LETM1: variants seen among roughly 807,000 people sequenced by gnomAD.
LETM1 encodes leucine zipper and EF-hand containing transmembrane protein 1.
LETM1 carries 50 observed loss-of-function variants against 74.5 expected under a neutral mutation model. That is an observed-to-expected ratio of 0.67 (90% CI 0.53 to 0.85). The LOEUF (loss-of-function observed/expected upper bound fraction) is 0.85, where lower values mean the gene tolerates loss of function less well. Ranked by LOEUF, LETM1 falls within the 40% of genes least tolerant of loss-of-function variation. LETM1 has a pLI of 0.00. For synonymous variants in LETM1, 446 were observed against 407.1 expected, an observed-to-expected ratio of 1.10 and a Z score of -1.15; for missense variants, 824 against 967.8, an observed-to-expected ratio of 0.85 and a Z score of 1.97.
At chr4:1,850,568 G>A (rs989371135) in intron 1 of LETM1, among the ~76,000 whole-genome samples, 20 of 150,868 alleles carry the variant, frequency 1.3e-4, no homozygotes, top group East Asian at 3.9e-4. Context: ...ACGTGAACCC[G>A]GGAGGCGGAG....
rs1712703577 is a variant in LETM1, at chr4:1,841,702, A to G, written c.239T>C (p.Leu80Pro). ...LGCWALRPECLRIVSRAPWTS... is the reference protein window; with the variant it reads ...LGCWALRPECPRIVSRAPWTS... ...CCATGGCGCTCTCGACACTATGCGA[A>G]GGCACTCGGGCCTCAGAGCCCAACA... is the stretch of plus-strand genomic sequence containing the variant. Residue 80 changes from leucine (L) to proline (P), a missense_variant, in exon 3 of 14, where the codon CTT (leucine) becomes CCT (proline). Leu to Pro is a moderately conservative substitution (Grantham distance 98). Around this residue, in one of 4 missense-constraint regions of LETM1, gnomAD observed 222 missense variants for 195.6 expected, o/e 1.14. Coordinates refer to ENST00000302787, the MANE Select transcript of LETM1 (RefSeq NM_012318.3). 1 of 1,614,070 alleles carries G rather than the reference A, an allele frequency of 6.2e-7. No homozygotes were observed. Among genetic ancestry groups the G allele is most frequent in the African/African-American group, 1.3e-5 (1 of 74,942 alleles).
Position 1,855,920 on chromosome 4 carries a change from C to A in LETM1, c.31G>T (p.Gly11Cys). MASILLRSCR[G>C]RAPARLPPPP... ...GGCGGGAGGCGGGCGGGCGCCCGGCCGCGGCAGCTCCTCAGTAAGATGGAC... is the reference window on the plus strand; with the variant it reads ...GGCGGGAGGCGGGCGGGCGCCCGGCAGCGGCAGCTCCTCAGTAAGATGGAC... Residue 11 changes from glycine to cysteine, a missense_variant, in exon 1 of 14, where the codon GGC (glycine) becomes TGC (cysteine). Gly to Cys is a radical substitution (Grantham distance 159, BLOSUM62 -3). Coordinates refer to ENST00000302787, the MANE Select transcript of LETM1 (RefSeq NM_012318.3). 1 of 1,237,166 alleles carries A rather than the reference C, an allele frequency of 8.1e-7. No individual in the cohort carries two copies. Among genetic ancestry groups the A allele is most frequent in the South Asian group, 3.4e-5 (1 of 29,148 alleles). 76.6% of individuals were successfully genotyped at this position (1,237,166 alleles called of 1,614,324 possible).
intron 1 of LETM1, among the ~76,000 whole-genome samples, chr4:1,853,161 T>G (rs1403521808): frequency 6.6e-6 from 1 of 151,938 alleles, no homozygotes; most frequent in Non-Finnish European, 1.5e-5. Context: ...CAAATGGCAC[T>G]GTTGTCCCCA....
Position 1,816,744 on chromosome 4 carries a change from G to C in LETM1, c.1914C>G (p.Ala638=). ...MDQQAGKLAP[A]NGMPTGENVI... is the part of the protein sequence containing the mutation. ...CCACTCACCCCGTGGGCATGCCGTT[G>C]GCCGGGGCCAGCTTGCCAGCCTGCT... Residue 638 remains alanine (A), a synonymous_variant, in exon 12 of 14, where the codon GCC becomes GCG. Coordinates refer to ENST00000302787, the MANE Select transcript of LETM1 (RefSeq NM_012318.3). 1 of 1,614,108 alleles carries C rather than the reference G, an allele frequency of 6.2e-7. No individual in the cohort carries two copies. Among genetic ancestry groups the C allele is most frequent in the Non-Finnish European group, 8.5e-7 (1 of 1,179,956 alleles).
intron 10 of LETM1, among the ~76,000 whole-genome samples, chr4:1,821,255 G>A (rs1431365406): frequency 2.0e-5 from 3 of 151,854 alleles, no homozygotes; most frequent in African/African-American, 7.2e-5. Flanking sequence ...ACCATGTCTG[G>A]CTAATTTTTT....
chr4:1,822,592 G>A (rs1711821011), intron 9 of LETM1: 1 of 351,604 alleles, frequency 2.8e-6, no homozygotes, highest in Non-Finnish European at 5.1e-6. Flanking sequence ...GGCTGAGCCT[G>A]TGGGTGGGCA....
intron 7 of LETM1, among the ~76,000 whole-genome samples, chr4:1,824,140 T>A (rs1007118953): frequency 6.6e-6 from 1 of 152,164 alleles, no homozygotes; most frequent in Non-Finnish European, 1.5e-5. Context: ...CTGGCCAACA[T>A]GGCGATCCCA....
Position 1,855,160 on chromosome 4 carries a change from T to C in LETM1, c.82+709A>G, listed in dbSNP as rs556352276. ...TGATCGCACCACTGCACTAATTATT[T>C]TACTTGAGTCCCTCTTAGCAAGTTT... On this transcript the variant is annotated intron_variant, in intron 1 of 13. Transcript: ENST00000302787. Among the ~76,000 whole-genome samples, 116 of 152,328 alleles carry C rather than the reference T, an allele frequency of 7.6e-4. 2 individuals are homozygous for C. Among genetic ancestry groups the C allele is most frequent in the Admixed American group, 1.8e-3 (27 of 15,306 alleles).
intron 8 of LETM1, 30 bp downstream of exon 8, chr4:1,823,614 G>A (rs1711874550): frequency 6.2e-7 from 1 of 1,611,496 alleles, no homozygotes; most frequent in Admixed American, 1.7e-5. Flanking sequence ...ATGAAGAGAT[G>A]AGGTAAAAGG....
Position 1,834,613 on chromosome 4 carries a change from G to A in LETM1, c.876+232C>T, listed in dbSNP as rs981703642. The A allele has an allele frequency of 1.6e-5, 21 of 1,353,840 alleles. No individual in the cohort carries two copies. The South Asian group carries it at 2.5e-4, about 16-fold the overall frequency. The allele number at this position is 1,353,840 out of a possible 1,614,324, so 83.9% of individuals were successfully genotyped here. A position where few individuals can be genotyped will look rare whatever the true frequency, so the allele number is the denominator to read the frequency against. On this transcript the variant is annotated intron_variant, in intron 5 of 13. Transcript: ENST00000302787. The surrounding 1 kb of genome is among the most constrained non-coding windows in gnomAD (Gnocchi z 5.0). ...AGCTGCAGGGTGATGAGACACAGAC[G>A]CCCATAATTCTGAAGGCTGACGAGG...
At chr4:1,849,107 G>A in intron 2 of LETM1, 42 bp downstream of exon 2, 1 of 1,449,074 alleles carries the variant, frequency 6.9e-7, no homozygotes, top group Non-Finnish European at 9.7e-7. Context: ...TTCAAACCCT[G>A]TTTTCAAACA....
In LETM1 at chr4:1,834,437, C is replaced by T. The variant is rs931956429; in HGVS notation, c.876+408G>A. ...TCCAGCCCCCACTGCTCCCACAGTC[C>T]AGGCCTCTGACCAGCCCCTGGGACC... On this transcript the variant is annotated intron_variant, in intron 5 of 13. Coordinates refer to ENST00000302787, the MANE Select transcript of LETM1 (RefSeq NM_012318.3). The surrounding 1 kb of genome is among the most constrained non-coding windows in gnomAD (Gnocchi z 5.0). 14 of 1,020,602 alleles carry T rather than the reference C, an allele frequency of 1.4e-5. No individual in the cohort carries two copies. The highest frequency in any genetic ancestry group is 1.5e-5 in the Non-Finnish European group (13 of 852,044). The allele number at this position is 1,020,602 out of a possible 1,614,324, so 63.2% of individuals were successfully genotyped here. A position where few individuals can be genotyped will look rare whatever the true frequency, so the allele number is the denominator to read the frequency against.
chr4:1,851,005 A>G (rs1713052625), intron 1 of LETM1, among the ~76,000 whole-genome samples: 1 of 152,106 alleles, frequency 6.6e-6, no homozygotes, highest in Admixed American at 6.6e-5. Flanking sequence ...TATAAACAAC[A>G]GTGATAAGTG....
intron 6 of LETM1, among the ~76,000 whole-genome samples, chr4:1,829,144 G>C (rs1172645078): frequency 6.4e-5 from 8 of 124,614 alleles, no homozygotes; most frequent in South Asian, 2.7e-4. Flanking sequence ...CCTCCCGGAC[G>C]GGGCGGCTGG....
At chr4:1,849,248 CA>C in intron 1 of LETM1, 39 bp from the exon 2 acceptor site, 1 of 1,455,714 alleles carries the variant, frequency 6.9e-7, no homozygotes, top group South Asian at 1.1e-5. Context: ...AGTAGTAAAT[CA>C]GGGATTTATA....
chr4:1,849,198 C>G lies in LETM1; in HGVS notation c.94G>C (p.Asp32His). 4 of 1,612,248 alleles carry G rather than the reference C, an allele frequency of 2.5e-6. No individual in the cohort carries two copies. The highest frequency in any genetic ancestry group is 3.4e-6 in the Non-Finnish European group (4 of 1,178,288). Reference protein sequence around the residue: ...RYTVPRGSPGDPAHLSCASTL... With the variant: ...RYTVPRGSPGHPAHLSCASTL... ...CTGGCACAGCTGAGATGAGCAGGATCCCCTGGACTACCTGTAACAGGAACA... is the reference window on the plus strand; with the variant it reads ...CTGGCACAGCTGAGATGAGCAGGATGCCCTGGACTACCTGTAACAGGAACA... Residue 32 changes from aspartate to histidine, a missense_variant, in exon 2 of 14, where the codon GAT (aspartate) becomes CAT (histidine). Coordinates refer to ENST00000302787, the MANE Select transcript of LETM1 (RefSeq NM_012318.3).
Position 1,823,695 on chromosome 4 carries a change from G to C in LETM1, c.1281C>G (p.Leu427=). 6.2e-7 allele frequency: 1 copy of C among 1,614,020 alleles called. No homozygotes were observed. Among genetic ancestry groups the C allele is most frequent in the South Asian group, 1.1e-5 (1 of 91,076 alleles). The change falls in exon 8 of 14, where the codon CTC becomes CTG. Residue 427 remains leucine, a synonymous_variant. Coordinates refer to ENST00000302787, the MANE Select transcript of LETM1 (RefSeq NM_012318.3). ...LSRAMYLPDT[L]SPADQLKSTL... ...TGGACTTGAGCTGGTCGGCTGGAGA[G>C]AGGGTGTCCGGGAGGTACATGGCCC... is the stretch of plus-strand genomic sequence containing the variant.
In LETM1 at chr4:1,822,323, A is replaced by G; in HGVS notation, c.1477-11T>C. On this transcript the variant is annotated splice_polypyrimidine_tract_variant and intron_variant, in intron 9 of 13. Coordinates refer to ENST00000302787, the MANE Select transcript of LETM1 (RefSeq NM_012318.3). ...GGGCTCAAAATCCTTCTGAAAGGCA[A>G]GGCGACACCAGCCCAGCGCCCGCCA... is the stretch of plus-strand genomic sequence containing the variant. 1 of 1,480,686 alleles carries G rather than the reference A, an allele frequency of 6.8e-7. No homozygotes were observed. Among genetic ancestry groups the G allele is most frequent in the South Asian group, 1.4e-5 (1 of 72,044 alleles). The allele number at this position is 1,480,686 out of a possible 1,614,324, so 91.7% of individuals were successfully genotyped here. A position where few individuals can be genotyped will look rare whatever the true frequency, so the allele number is the denominator to read the frequency against.
At chr4:1,815,452 A>G (rs574235809) in intron 13 of LETM1, among the ~76,000 whole-genome samples, 14 of 152,292 alleles carry the variant, frequency 9.2e-5, no homozygotes, top group African/African-American at 3.4e-4. Context: ...TTTCTCTCTC[A>G]ACACTTGAGT....
Sources: gnomAD v4.1 joint callset for allele counts (sites outside exome capture counted in the v4.1 genomes callset) on GRCh38, gnomAD v4.1.1 for gene constraint, gnomAD v4.1.1 regional missense constraint, Gnocchi (gnomAD v3.1) non-coding constraint, MANE v1.5 for transcripts, NCBI Gene and HGNC (gene_info 2026-07-23, HGNC 2026-07-21) for gene names.